The following PTPN20 variants were observed in gnomAD, a reference collection of about 807,000 sequenced individuals.
PTPN20 encodes tyrosine-protein phosphatase non-receptor type 20.
A neutral mutation model predicts 35.0 loss-of-function variants in PTPN20; 9 were observed. That is an observed-to-expected ratio of 0.26 (90% CI 0.15 to 0.45). PTPN20 has a LOEUF of 0.45. PTPN20 is among the 20% of genes least tolerant of loss of function. The pLI is 1.00. For missense variants in PTPN20, 111 were observed against 312.5 expected (o/e 0.36, Z 4.86); for synonymous variants, 32 against 100.2 (o/e 0.32, Z 4.06).
chr10:46,922,267 CT>C (rs1243604591), intron 1 of PTPN20, among the ~76,000 whole-genome samples: 3 of 147,830 alleles, frequency 2.0e-5, no homozygotes, highest in Non-Finnish European at 4.5e-5. Context: ...GAAAAAGCAT[CT>C]ATCATAGATT....
At chr10:46,988,320 G>A (rs2057187746) in intron 9 of PTPN20, among the ~76,000 whole-genome samples, 1 of 123,064 alleles carries the variant, frequency 8.1e-6, no homozygotes, top group Admixed American at 7.8e-5. Flanking sequence ...TATACAATGT[G>A]TAGTGATCAG....
At chr10:46,998,638 CT>C (rs1398179584) in intron 9 of PTPN20, among the ~76,000 whole-genome samples, 2 of 70,632 alleles carry the variant, frequency 2.8e-5, no homozygotes, top group Non-Finnish European at 6.9e-5. Flanking sequence ...CACATACACA[CT>C]CTCACACACT....
intron 5 of PTPN20, among the ~76,000 whole-genome samples, chr10:46,950,871 C>A: frequency 6.6e-6 from 1 of 151,812 alleles, no homozygotes; most frequent in Non-Finnish European, 1.5e-5. Context: ...ACCCTGCAAC[C>A]ATAGTTTTTA....
intron 9 of PTPN20, among the ~76,000 whole-genome samples, chr10:46,996,461 G>C (rs1590018225): frequency 6.6e-6 from 1 of 152,186 alleles, no homozygotes; most frequent in East Asian, 1.9e-4. Flanking sequence ...TTAAAAAAAT[G>C]CTTTTAAAGA....
chr10:46,972,344 G>A (rs2052453601), intron 7 of PTPN20, among the ~76,000 whole-genome samples: 1 of 151,938 alleles, frequency 6.6e-6, no homozygotes, highest in Non-Finnish European at 1.5e-5. Flanking sequence ...ATTCACCATT[G>A]TAAATCATTA....
rs972096719 is a variant in PTPN20 at position 47,000,999 on chromosome 10, C to T, written c.*258C>T. ...CCAGTGAAACAGATGTTACATAAAA[C>T]GATTGCAGCTTGGCTATTTGGTTGA... On this transcript the variant is annotated 3_prime_UTR_variant, in exon 11 of 11. Coordinates refer to ENST00000374339, the MANE Select transcript of PTPN20 (RefSeq NM_001042357.5). 62 of 541,138 alleles carry T rather than the reference C, an allele frequency of 1.1e-4. No homozygotes were observed. Among genetic ancestry groups the T allele is most frequent in the Non-Finnish European group, 1.6e-4 (47 of 298,432 alleles). The allele number at this position is 541,138 out of a possible 1,614,324, so 33.5% of individuals were successfully genotyped here.
At chr10:46,999,840 CT>C in intron 9 of PTPN20, 71 bp from the exon 10 acceptor site, 2 of 1,553,838 alleles carry the variant, frequency 1.3e-6, no homozygotes, top group Non-Finnish European at 1.8e-6. Flanking sequence ...CTCTTTCACC[CT>C]TTTTGGCAAT....
chr10:46,946,872 A>C (rs868908146), intron 5 of PTPN20, 197 bp downstream of exon 5: 149,047 of 501,256 alleles, frequency 0.3, 11,169 homozygotes, highest in East Asian at 0.4. Context: ...ACAATGGCTA[A>C]TTCCTGTCCT....
intron 5 of PTPN20, among the ~76,000 whole-genome samples, chr10:46,951,635 T>A (rs2046713697): frequency 6.6e-6 from 1 of 151,676 alleles, no homozygotes; most frequent in Non-Finnish European, 1.5e-5. Context: ...TATAGGGGTA[T>A]AGAAAACTAT....
In PTPN20 at chr10:46,939,337, CATA is replaced by C. The variant is rs1455239321; in HGVS notation, c.35-1282_35-1280del. On this transcript the variant is annotated intron_variant, in intron 2 of 10. Coordinates refer to ENST00000374339, the MANE Select transcript of PTPN20 (RefSeq NM_001042357.5). ...TTCATCAGATTTCCCTAAAGTTTCTCATAATATTTGCTTATTACCTTTAAAAAT... is the reference window on the plus strand; with the variant it reads ...TTCATCAGATTTCCCTAAAGTTTCTCATATTTGCTTATTACCTTTAAAAAT... 1.0e-4 allele frequency among the ~76,000 whole-genome samples: 13 copies of C among 124,478 alleles called. No individual in the cohort carries two copies. The South Asian group carries it at 2.0e-3, about 19-fold the overall frequency. 81.7% of individuals were successfully genotyped at this position (124,478 alleles called of 152,430 possible). A position where few individuals can be genotyped will look rare whatever the true frequency, so the allele number is the denominator to read the frequency against.
intron 9 of PTPN20, among the ~76,000 whole-genome samples, chr10:46,994,578 C>T (rs1288660320): frequency 2.6e-5 from 4 of 152,180 alleles, no homozygotes; most frequent in Admixed American, 2.6e-4. Flanking sequence ...TCGTGATCCG[C>T]CCGCCTCGGC....
At chr10:46,955,141 C>A (rs1471812660) in intron 5 of PTPN20, 1 of 149,650 alleles carries the variant, frequency 6.7e-6, no homozygotes, top group East Asian at 2.0e-4. Context: ...GGTCCTGGAA[C>A]CAATTCCTTG....
chr10:46,992,757 C>T (rs1025200021), intron 9 of PTPN20, among the ~76,000 whole-genome samples: 166 of 152,252 alleles, frequency 1.1e-3, no homozygotes, highest in African/African-American at 3.9e-3. Context: ...CAATTTCTGG[C>T]GAGCTAGTAC....
chr10:46,997,628 A>C (rs1373437541), intron 9 of PTPN20, among the ~76,000 whole-genome samples: 2 of 152,028 alleles, frequency 1.3e-5, no homozygotes, highest in Non-Finnish European at 2.9e-5. Flanking sequence ...AAAAAAAAAA[A>C]AACAAGCTAG....
chr10:46,966,198 C>T (rs1224299589), intron 6 of PTPN20, among the ~76,000 whole-genome samples: 4 of 151,308 alleles, frequency 2.6e-5, no homozygotes, highest in South Asian at 2.1e-4. Flanking sequence ...GGATTACAGG[C>T]GTGAGCCACC....
chr10:46,996,436 A>C (rs1313491956), intron 9 of PTPN20, among the ~76,000 whole-genome samples: 1 of 152,186 alleles, frequency 6.6e-6, no homozygotes. Flanking sequence ...TAATTTGCCT[A>C]ATCTTAAATT....
intron 5 of PTPN20, among the ~76,000 whole-genome samples, chr10:46,951,380 G>A (rs1401386683): frequency 6.6e-6 from 1 of 152,106 alleles, no homozygotes; most frequent in Non-Finnish European, 1.5e-5. Flanking sequence ...TTATTAATTT[G>A]TAGGAACTCT....
At chr10:46,952,420 TTC>T (rs2046982222) in intron 5 of PTPN20, among the ~76,000 whole-genome samples, 1 of 146,278 alleles carries the variant, frequency 6.8e-6, no homozygotes, top group Non-Finnish European at 1.5e-5. Context: ...TTGAGTGATA[TTC>T]TTTCTTTTCC....
At chr10:46,947,218 A>G (rs1179673202) in intron 5 of PTPN20, among the ~76,000 whole-genome samples, 17 of 138,976 alleles carry the variant, frequency 1.2e-4, no homozygotes, top group South Asian at 2.5e-4. Context: ...ATGTGTATAT[A>G]TATATATATA....
Sources: gnomAD v4.1 joint callset for allele counts (sites outside exome capture counted in the v4.1 genomes callset) on GRCh38, gnomAD v4.1.1 for gene constraint, MANE v1.5 for transcripts, NCBI Gene and HGNC (gene_info 2026-07-23, HGNC 2026-07-21) for gene names.